The following RGS20 variants were observed in gnomAD, a reference collection of about 807,000 sequenced individuals.
RGS20 encodes the protein regulator of G protein signaling 20, also known as gz-selective GTPase-activating protein.
Under a neutral mutation model 33.6 loss-of-function variants are expected in RGS20, and 30 were observed. That is an observed-to-expected ratio of 0.89 (90% CI 0.67 to 1.21). The LOEUF is 1.21. Ranked by LOEUF, RGS20 falls within the 50% of genes most tolerant of loss-of-function variation. The pLI is 0.00. For synonymous variants in RGS20, 208 were observed against 197.9 expected, an observed-to-expected ratio of 1.05 and a Z score of -0.43; for missense variants, 472 against 502.4, an observed-to-expected ratio of 0.94 and a Z score of 0.58.
chr8:53,912,155 G>T (rs1813362684), intron 2 of RGS20, among the ~76,000 whole-genome samples: 1 of 152,110 alleles, frequency 6.6e-6, no homozygotes, highest in Admixed American at 6.6e-5. Context: ...TGTGTTGCAA[G>T]CACATTTGAA....
At chr8:53,889,919 T>A (rs564629396) in intron 2 of RGS20, among the ~76,000 whole-genome samples, 2 of 152,338 alleles carry the variant, frequency 1.3e-5, no homozygotes, top group African/African-American at 4.8e-5. Context: ...CCACAGTGAA[T>A]ATAATGTGCC....
chr8:53,888,510 G>C (rs965979170), intron 2 of RGS20, among the ~76,000 whole-genome samples: 13 of 152,030 alleles, frequency 8.6e-5, no homozygotes, highest in Admixed American at 3.3e-4. Context: ...TTATTGAGGG[G>C]GGCTGTCCAT....
intron 3 of RGS20, among the ~76,000 whole-genome samples, chr8:53,942,452 C>CT (rs1353078335): frequency 6.6e-6 from 1 of 151,224 alleles, no homozygotes; most frequent in Admixed American, 6.6e-5. Context: ...GAGTGAGACT[C>CT]TGTCTGAAAA....
chr8:53,852,217 A>G (rs964735363), intron 1 of RGS20, among the ~76,000 whole-genome samples: 1 of 152,262 alleles, frequency 6.6e-6, no homozygotes, highest in African/African-American at 2.4e-5. Context: ...AGGGAAATCT[A>G]GAACCTAGAT....
At chr8:53,882,149 G>A (rs1454430165) in intron 2 of RGS20, among the ~76,000 whole-genome samples, 1 of 152,190 alleles carries the variant, frequency 6.6e-6, no homozygotes, top group African/African-American at 2.4e-5. Context: ...AGTGGGGTGG[G>A]CGTTTTGGGG....
At chr8:53,895,849 G>T (rs994713184) in intron 2 of RGS20, among the ~76,000 whole-genome samples, 30 of 152,078 alleles carry the variant, frequency 2.0e-4, no homozygotes, top group African/African-American at 7.2e-4. Context: ...GTTTCACCAT[G>T]TTGGTCAGAG....
At chr8:53,930,057 T>C (rs912319629) in intron 2 of RGS20, among the ~76,000 whole-genome samples, 2 of 152,176 alleles carry the variant, frequency 1.3e-5, no homozygotes, top group Non-Finnish European at 2.9e-5. Context: ...GTACTATTGC[T>C]ACTTCTCAAT....
chr8:53,921,300 G>A (rs1813638616), intron 2 of RGS20, among the ~76,000 whole-genome samples: 1 of 152,038 alleles, frequency 6.6e-6, no homozygotes, highest in South Asian at 2.1e-4. Context: ...GAGTAATACT[G>A]GTCTCAGAGA....
intron 2 of RGS20, among the ~76,000 whole-genome samples, chr8:53,921,137 A>G (rs905858146): frequency 7.9e-5 from 12 of 152,102 alleles, no homozygotes; most frequent in African/African-American, 2.9e-4. Context: ...TTTTATGTTA[A>G]ACTAACCTTG....
intron 2 of RGS20, among the ~76,000 whole-genome samples, chr8:53,923,887 T>C (rs1813719613): frequency 6.6e-6 from 1 of 152,228 alleles, no homozygotes; most frequent in Non-Finnish European, 1.5e-5. Context: ...ACATTTTAAA[T>C]GTAAATGATT....
chr8:53,931,634 C>T (rs780954877), intron 2 of RGS20, among the ~76,000 whole-genome samples: 3 of 152,136 alleles, frequency 2.0e-5, no homozygotes, highest in African/African-American at 4.8e-5. Flanking sequence ...GGAACAGCTC[C>T]GGTCTGTAGC....
At chr8:53,920,639 A>G (rs964819331) in intron 2 of RGS20, among the ~76,000 whole-genome samples, 1 of 152,296 alleles carries the variant, frequency 6.6e-6, no homozygotes, top group Admixed American at 6.5e-5. Context: ...TCAGTCTTTC[A>G]GTGTTTAATA....
intron 5 of RGS20, 152 bp downstream of exon 4, chr8:53,954,462 G>A (rs1814801810): frequency 1.1e-5 from 6 of 552,580 alleles, no homozygotes; most frequent in Middle Eastern, 5.0e-4. Flanking sequence ...TGAGGAGTTG[G>A]AGACCAGCCT....
chr8:53,861,491 C>T (rs568714017), intron 1 of RGS20, among the ~76,000 whole-genome samples: 12 of 152,178 alleles, frequency 7.9e-5, no homozygotes, highest in Non-Finnish European at 1.6e-4. Context: ...ATGAATAAAA[C>T]ATTACTTGAA....
intron 2 of RGS20, among the ~76,000 whole-genome samples, chr8:53,890,819 A>G (rs1033451824): frequency 1.3e-5 from 2 of 152,148 alleles, no homozygotes; most frequent in African/African-American, 2.4e-5. Flanking sequence ...TTTTGTAGAG[A>G]TGGGGTCTCG....
At chr8:53,901,020 C>T (rs1269409429) in intron 2 of RGS20, among the ~76,000 whole-genome samples, 1 of 151,748 alleles carries the variant, frequency 6.6e-6, no homozygotes, top group Non-Finnish European at 1.5e-5. Context: ...CTCTCGACCT[C>T]GGTCTACCAA....
chr8:53,887,715 G>T lies in RGS20; in HGVS notation c.510+8113G>T, dbSNP rs188481204. ...CATGTGGCCAGGCGTGGTGGCTCACGCCTGTAATTCCCACACTTTAGGAGG... is the reference window on the plus strand; with the variant it reads ...CATGTGGCCAGGCGTGGTGGCTCACTCCTGTAATTCCCACACTTTAGGAGG... On this transcript the variant is annotated intron_variant, in intron 2 of 5. Transcript: ENST00000297313. 6.1e-3 allele frequency among the ~76,000 whole-genome samples: 936 copies of T among 152,322 alleles called. 4 individuals carry two copies. Among genetic ancestry groups the T allele is most frequent in the Non-Finnish European group, 0.011 (733 of 68,028 alleles).
intron 2 of RGS20, among the ~76,000 whole-genome samples, chr8:53,892,583 A>T (rs1306601438): frequency 6.6e-6 from 1 of 152,226 alleles, no homozygotes; most frequent in African/African-American, 2.4e-5. Flanking sequence ...GGAATGAAAG[A>T]GAACTAGGCT....
At chr8:53,899,154 C>CTG (rs1244417403) in intron 2 of RGS20, among the ~76,000 whole-genome samples, 1 of 152,242 alleles carries the variant, frequency 6.6e-6, no homozygotes, top group Non-Finnish European at 1.5e-5. Flanking sequence ...ACCACAATGC[C>CTG]TGTGTGCCAT....
Sources: gnomAD v4.1 joint callset for allele counts (sites outside exome capture counted in the v4.1 genomes callset) on GRCh38, gnomAD v4.1.1 for gene constraint, MANE v1.5 for transcripts, NCBI Gene and HGNC (gene_info 2026-07-23, HGNC 2026-07-21) for gene names.